The following ARHGAP26 variants were observed in gnomAD, a reference collection of about 807,000 sequenced individuals.
The protein encoded by ARHGAP26 is rho GTPase-activating protein 26.
A neutral mutation model predicts 104.8 loss-of-function variants in ARHGAP26; 38 were observed. That is an observed-to-expected ratio of 0.36 (90% CI 0.28 to 0.48). The LOEUF (loss-of-function observed/expected upper bound fraction) is 0.48, where lower values mean the gene tolerates loss of function less well. Ranked by LOEUF, ARHGAP26 falls within the 20% of genes least tolerant of loss-of-function variation. ARHGAP26 has a pLI of 0.99. For missense variants in ARHGAP26, 704 were observed against 947.9 expected, an observed-to-expected ratio of 0.74 and a Z score of 3.38; for synonymous variants, 341 against 340.0, an observed-to-expected ratio of 1.00 and a Z score of -0.03.
chr5:142,811,449 C>A (rs1764054763), intron 1 of ARHGAP26, among the ~76,000 whole-genome samples: 1 of 152,184 alleles, frequency 6.6e-6, no homozygotes. Flanking sequence ...TGGACGCCGA[C>A]AGCATGGCTT....
chr5:143,165,974 G>T, intron 20 of ARHGAP26: 1 of 1,252,386 alleles, frequency 8.0e-7, no homozygotes, highest in East Asian at 4.8e-5. Context: ...TCATAATCAG[G>T]GCTCAGTAAA....
chr5:143,018,742 G>A (rs946730132), intron 12 of ARHGAP26, among the ~76,000 whole-genome samples: 2 of 152,018 alleles, frequency 1.3e-5, no homozygotes, highest in Admixed American at 6.6e-5. Flanking sequence ...TAACTTTGAG[G>A]CAACTCTTAA....
chr5:143,162,948 T>A (rs1007666115), intron 20 of ARHGAP26, among the ~76,000 whole-genome samples: 2 of 151,466 alleles, frequency 1.3e-5, no homozygotes, highest in Non-Finnish European at 2.9e-5. Flanking sequence ...TGACATACCA[T>A]CTCTATTAAA....
intron 11 of ARHGAP26, among the ~76,000 whole-genome samples, chr5:142,960,167 A>C (rs1214021630): frequency 6.6e-6 from 1 of 152,266 alleles, no homozygotes; most frequent in Non-Finnish European, 1.5e-5. Context: ...AGCAGAAGAA[A>C]GTATACTATA....
rs115683216 is a variant in ARHGAP26 at position 142,940,226 on chromosome 5, G to A, written c.1107+8101G>A. On this transcript the variant is annotated intron_variant, in intron 11 of 22. Transcript: ENST00000645722. The stretch of plus-strand genomic sequence containing the variant: ...TTTGTTAAAATAAGTGATTGAAAGA[G>A]TATGGATAGTTAGGAAGGTATGGGG... 7.2e-3 allele frequency among the ~76,000 whole-genome samples: 1,104 copies of A among 152,310 alleles called. 9 individuals are homozygous for A. The highest frequency in any genetic ancestry group is 0.025 in the African/African-American group (1,028 of 41,568).
At chr5:143,202,708 G>A (rs1807949354) in intron 20 of ARHGAP26, 1 of 152,148 alleles carries the variant, frequency 6.6e-6, no homozygotes, top group Non-Finnish European at 1.5e-5. Flanking sequence ...AAACAGCATG[G>A]TACTGGTACC....
At chr5:143,115,202 A>G (rs1369817087) in intron 17 of ARHGAP26, among the ~76,000 whole-genome samples, 1 of 151,878 alleles carries the variant, frequency 6.6e-6, no homozygotes, top group Non-Finnish European at 1.5e-5. Context: ...GCATGGTGGT[A>G]TGCACCTGTA....
intron 20 of ARHGAP26, 32 bp from the exon 21 acceptor site, chr5:143,207,166 C>G: frequency 6.2e-7 from 1 of 1,602,990 alleles, no homozygotes; most frequent in Non-Finnish European, 8.5e-7. Flanking sequence ...TCCCTGTGTG[C>G]TGACAAGTTT....
At chr5:142,843,789 T>A (rs562588641) in intron 1 of ARHGAP26, among the ~76,000 whole-genome samples, 1 of 152,322 alleles carries the variant, frequency 6.6e-6, no homozygotes, top group South Asian at 2.1e-4. Flanking sequence ...TCCTTTTAGT[T>A]TATAAAATCT....
At chr5:143,066,501 C>T (rs1400176509) in intron 17 of ARHGAP26, among the ~76,000 whole-genome samples, 1 of 152,176 alleles carries the variant, frequency 6.6e-6, no homozygotes, top group African/African-American at 2.4e-5. Flanking sequence ...CATAATACAC[C>T]TTCCATAAAT....
chr5:143,098,079 G>C (rs181531665), intron 17 of ARHGAP26, among the ~76,000 whole-genome samples: 42 of 152,054 alleles, frequency 2.8e-4, no homozygotes, highest in Non-Finnish European at 3.1e-4. Context: ...TTATAATAGC[G>C]CTGCCTCAAT....
chr5:143,013,867 G>T (rs541897900), intron 11 of ARHGAP26, among the ~76,000 whole-genome samples: 4 of 152,018 alleles, frequency 2.6e-5, no homozygotes, highest in African/African-American at 9.7e-5. Flanking sequence ...CAATAAAGTT[G>T]CACAGATGAT....
chr5:142,963,278 A>G (rs1770729789), intron 11 of ARHGAP26, among the ~76,000 whole-genome samples: 1 of 148,136 alleles, frequency 6.8e-6, no homozygotes, highest in Admixed American at 6.8e-5. Flanking sequence ...ATTTAGATTG[A>G]TTCCGTGACT....
chr5:143,156,363 C>T (rs1401207137), intron 20 of ARHGAP26, among the ~76,000 whole-genome samples: 1 of 152,182 alleles, frequency 6.6e-6, no homozygotes, highest in African/African-American at 2.4e-5. Flanking sequence ...GCAGGATCAA[C>T]CATAGGCTTC....
chr5:142,936,477 T>G (rs960366364), intron 11 of ARHGAP26, among the ~76,000 whole-genome samples: 3 of 152,154 alleles, frequency 2.0e-5, no homozygotes, highest in African/African-American at 7.2e-5. Flanking sequence ...TTAATGCAAT[T>G]CCTATTAGAA....
At chr5:143,172,039 A>G (rs1441443688) in intron 20 of ARHGAP26, among the ~76,000 whole-genome samples, 3 of 152,212 alleles carry the variant, frequency 2.0e-5, no homozygotes, top group Admixed American at 6.5e-5. Context: ...CCATCTCAAA[A>G]TCTGTGCAGG....
chr5:142,900,911 G>A (rs573156256), intron 6 of ARHGAP26, among the ~76,000 whole-genome samples: 34 of 152,246 alleles, frequency 2.2e-4, no homozygotes, highest in African/African-American at 7.2e-4. Context: ...GAAGTTAATG[G>A]GATAGTCCCC....
In ARHGAP26 at chr5:143,216,585, T is replaced by C. The variant is rs941486664; in HGVS notation, c.2191+2497T>C. On this transcript the variant is annotated intron_variant, in intron 22 of 22. Transcript: ENST00000645722. ...GTAACTGCTCCCACATACAACATGGTCGTCATCATAAATCCTATAGGTATT... is the reference window on the plus strand; with the variant it reads ...GTAACTGCTCCCACATACAACATGGCCGTCATCATAAATCCTATAGGTATT... 2.3e-5 allele frequency: 7 copies of C among 308,920 alleles called. No homozygotes were observed. In the East Asian group the frequency reaches 2.4e-4, roughly 11 times the overall value. The allele number at this position is 308,920 out of a possible 1,614,324, so 19.1% of individuals were successfully genotyped here. A position where few individuals can be genotyped will look rare whatever the true frequency, so the allele number is the denominator to read the frequency against.
intron 9 of ARHGAP26, among the ~76,000 whole-genome samples, chr5:142,909,384 G>A (rs1246564438): frequency 6.6e-6 from 1 of 152,168 alleles, no homozygotes; most frequent in Non-Finnish European, 1.5e-5. Context: ...TTATAGAGTA[G>A]GGGTTAAAAG....
Sources: gnomAD v4.1 joint callset for allele counts (sites outside exome capture counted in the v4.1 genomes callset) on GRCh38, gnomAD v4.1.1 for gene constraint, MANE v1.5 for transcripts, NCBI Gene and HGNC (gene_info 2026-07-23, HGNC 2026-07-21) for gene names.